KALRN: variants seen among roughly 807,000 people sequenced by gnomAD.
KALRN encodes the protein kalirin.
KALRN carries 70 observed loss-of-function variants against 353.7 expected under a neutral mutation model. That is an observed-to-expected ratio of 0.20 (90% CI 0.16 to 0.24). KALRN has a LOEUF of 0.24. Among genes scored for constraint, KALRN ranks in the 10% least tolerant of loss-of-function variants. The pLI is 1.00. For missense variants in KALRN, 2,791 were observed against 3,756.7 expected, an observed-to-expected ratio of 0.74 and a Z score of 6.72; for synonymous variants, 1,391 against 1,434.8, an observed-to-expected ratio of 0.97 and a Z score of 0.69.
At chr3:124,707,098 G>T (rs951401147) in intron 57 of KALRN, among the ~76,000 whole-genome samples, 2 of 152,088 alleles carry the variant, frequency 1.3e-5, no homozygotes, top group Non-Finnish European at 2.9e-5. Flanking sequence ...CAGCACTTTG[G>T]GAGGCTGAGG....
chr3:124,372,906 C>CGGTTTCAGTGGTAGATTAGT (rs2086049033), intron 10 of KALRN, among the ~76,000 whole-genome samples: 1 of 151,788 alleles, frequency 6.6e-6, no homozygotes, highest in African/African-American at 2.4e-5. Flanking sequence ...CTTGGATGAG[C>CGGTTTCAGTGGTAGATTAGT]GGTTTCAATG....
At chr3:124,705,481 G>A (rs2062559263) in intron 57 of KALRN, among the ~76,000 whole-genome samples, 2 of 152,078 alleles carry the variant, frequency 1.3e-5, no homozygotes, top group South Asian at 4.1e-4. Flanking sequence ...TCAAATGAGG[G>A]CCAGTATAAT....
In KALRN at chr3:124,668,237, G is replaced by A. The variant is rs572054136; in HGVS notation, c.6703+1054G>A. On this transcript the variant is annotated intron_variant, in intron 47 of 59. Transcript: ENST00000682506. ...TCGGGTGTGTCACCTTTTCATGCCA[G>A]TACTAGGATCTGGACTCTTTCAAAT... Among the ~76,000 whole-genome samples the A allele has an allele frequency of 2.0e-5, 3 of 152,262 alleles. No individual in the cohort carries two copies. The South Asian group carries it at 6.2e-4, about 32-fold the overall frequency.
chr3:124,125,155 G>T (rs1250519827), intron 1 of KALRN, among the ~76,000 whole-genome samples: 1 of 152,102 alleles, frequency 6.6e-6, no homozygotes. Flanking sequence ...TTTACAAAAG[G>T]GTTTCACATG....
At chr3:124,484,195 G>T (rs1372178281) in intron 28 of KALRN, among the ~76,000 whole-genome samples, 1 of 152,198 alleles carries the variant, frequency 6.6e-6, no homozygotes, top group Admixed American at 6.5e-5. Flanking sequence ...TCACACTGGA[G>T]TGAGTCCACC....
intron 1 of KALRN, among the ~76,000 whole-genome samples, chr3:124,188,165 C>T (rs542636429): frequency 4.6e-5 from 7 of 152,126 alleles, no homozygotes; most frequent in Non-Finnish European, 5.9e-5. Context: ...CTTAAACGTA[C>T]GCAAGAATCA....
intron 1 of KALRN, among the ~76,000 whole-genome samples, chr3:124,201,154 G>C (rs74907624): frequency 0.034 from 5,146 of 152,316 alleles, 270 homozygotes; most frequent in African/African-American, 0.12. Flanking sequence ...AGAGACAAAG[G>C]CCACGTATAA....
intron 25 of KALRN, among the ~76,000 whole-genome samples, chr3:124,470,329 T>C (rs1325887992): frequency 1.3e-5 from 2 of 152,224 alleles, no homozygotes; most frequent in African/African-American, 2.4e-5. Context: ...TGTTTTGCTT[T>C]AATTTGAATT....
At chr3:124,214,144 G>GTA (rs1192886761) in intron 1 of KALRN, among the ~76,000 whole-genome samples, 5 of 151,586 alleles carry the variant, frequency 3.3e-5, no homozygotes, top group Non-Finnish European at 5.9e-5. Context: ...ATATATATAT[G>GTA]TATATATATA....
chr3:124,632,246 G>A (rs941061372), intron 34 of KALRN, among the ~76,000 whole-genome samples, 174 bp from the exon 35 acceptor site: 5 of 152,146 alleles, frequency 3.3e-5, no homozygotes, highest in Admixed American at 6.6e-5. Flanking sequence ...TAAAAATTGA[G>A]TGAGCGTTTG....
chr3:124,513,735 CAT>C (rs1245084637), intron 33 of KALRN, among the ~76,000 whole-genome samples: 3 of 152,164 alleles, frequency 2.0e-5, no homozygotes, highest in Non-Finnish European at 4.4e-5. Flanking sequence ...AGAGGAAAAA[CAT>C]AGATTGAATG....
intron 36 of KALRN, among the ~76,000 whole-genome samples, chr3:124,634,529 A>G (rs576943206): frequency 1.3e-5 from 2 of 152,302 alleles, no homozygotes; most frequent in South Asian, 4.1e-4. Flanking sequence ...GCTCACTGGT[A>G]TTTGAAATAT....
chr3:124,400,681 T>C (rs1384033621), intron 13 of KALRN, among the ~76,000 whole-genome samples: 1 of 152,184 alleles, frequency 6.6e-6, no homozygotes, highest in Non-Finnish European at 1.5e-5. Context: ...AGGGTATGGG[T>C]CATTATTCTT....
intron 1 of KALRN, among the ~76,000 whole-genome samples, chr3:124,222,177 A>G (rs1192688777): frequency 2.0e-5 from 3 of 152,182 alleles, no homozygotes; most frequent in Non-Finnish European, 4.4e-5. Context: ...GTGAAATTAA[A>G]ACATCTGATA....
chr3:124,669,654 C>T (rs2086132656), intron 47 of KALRN, among the ~76,000 whole-genome samples: 1 of 152,154 alleles, frequency 6.6e-6, no homozygotes, highest in Non-Finnish European at 1.5e-5. Flanking sequence ...TCCAAGAGAC[C>T]TTTCTCCTAA....
At chr3:124,693,691 C>T in intron 51 of KALRN, 113 bp from the exon 52 acceptor site, 1 of 631,762 alleles carries the variant, frequency 1.6e-6, no homozygotes, top group Non-Finnish European at 2.7e-6. Context: ...AAGTTGGGCT[C>T]CAGGCCTCAT....
chr3:124,264,296 C>T (rs578103346), intron 3 of KALRN, among the ~76,000 whole-genome samples: 1 of 152,284 alleles, frequency 6.6e-6, no homozygotes, highest in Admixed American at 6.5e-5. Flanking sequence ...AGGCAGAATG[C>T]CAGGACCATT....
At chr3:124,270,041 G>C (rs1238518147) in intron 5 of KALRN, among the ~76,000 whole-genome samples, 1 of 152,316 alleles carries the variant, frequency 6.6e-6, no homozygotes, top group East Asian at 1.9e-4. Context: ...TGTAAAAAAG[G>C]AAAATTGCAT....
intron 34 of KALRN, among the ~76,000 whole-genome samples, chr3:124,624,755 G>T (rs1049812591): frequency 1.1e-4 from 17 of 152,200 alleles, no homozygotes; most frequent in Non-Finnish European, 2.2e-4. Flanking sequence ...CTTCCAAATG[G>T]TGAGGGAGGG....
Sources: allele counts gnomAD v4.1 joint callset (sites outside exome capture counted in the v4.1 genomes callset), GRCh38; gene constraint gnomAD v4.1.1; transcripts MANE v1.5; gene names NCBI Gene and HGNC (gene_info 2026-07-23, HGNC 2026-07-21).